The following PBX4 variants were observed in gnomAD, a reference collection of about 807,000 sequenced individuals.
PBX4 encodes the protein pre-B-cell leukemia transcription factor 4.
PBX4 carries 26 observed loss-of-function variants against 35.1 expected under a neutral mutation model. That is an observed-to-expected ratio of 0.74 (90% confidence interval 0.54 to 1.03). The LOEUF (loss-of-function observed/expected upper bound fraction) is 1.03. Among genes scored for constraint, PBX4 ranks in the 50% least tolerant of loss-of-function variants. PBX4 has a pLI of 0.00. For synonymous variants in PBX4, 199 were observed against 204.2 expected, an observed-to-expected ratio of 0.97 and a Z score of 0.22; for missense variants, 448 against 504.3, an observed-to-expected ratio of 0.89 and a Z score of 1.07.
Position 19,562,199 on chromosome 19 carries a change from C to T in PBX4, c.1033-82G>A. 2 of 1,023,816 alleles carry T rather than the reference C, an allele frequency of 2.0e-6. No individual in the cohort carries two copies. Among genetic ancestry groups the T allele is most frequent in the Non-Finnish European group, 2.8e-6 (2 of 703,704 alleles). The allele number at this position is 1,023,816 out of a possible 1,614,324, so 63.4% of individuals were successfully genotyped here. ...AGCCCACGTGCTGCAGGCGGAGCCT[C>T]CAGGGGTCCCTGGGAAGGCTTGGAA... On this transcript the variant is annotated intron_variant, in intron 7 of 7. Coordinates refer to ENST00000251203, the MANE Select transcript of PBX4 (RefSeq NM_025245.3). This position sits in a 1 kb window ranked among gnomAD's most constrained non-coding sequence, Gnocchi z 4.8.
chr19:19,589,317 A>G (rs1304549855), intron 2 of PBX4, among the ~76,000 whole-genome samples: 1 of 151,786 alleles, frequency 6.6e-6, no homozygotes, highest in Non-Finnish European at 1.5e-5. Flanking sequence ...AGTCCCAACT[A>G]CTCAGGAGGC....
At chr19:19,571,972 G>A (rs2144716661) in intron 2 of PBX4, among the ~76,000 whole-genome samples, 1 of 141,216 alleles carries the variant, frequency 7.1e-6, no homozygotes, top group South Asian at 2.4e-4. Flanking sequence ...GGCAGAGGAT[G>A]CAGTGAGCTG....
chr19:19,569,886 G>A (rs1276655617), intron 4 of PBX4, among the ~76,000 whole-genome samples: 1 of 151,924 alleles, frequency 6.6e-6, no homozygotes, highest in African/African-American at 2.4e-5. Flanking sequence ...CTCCAGCCTG[G>A]GCACCAGAGT....
intron 5 of PBX4, 99 bp downstream of exon 5, chr19:19,569,350 G>A (rs2061365379): frequency 3.5e-6 from 5 of 1,427,558 alleles, no homozygotes; most frequent in Non-Finnish European, 4.7e-6. Flanking sequence ...GCCATGCCTG[G>A]CCTCTGCACA....
chr19:19,562,151 G>A lies in PBX4; in HGVS notation c.1033-34C>T, dbSNP rs1461006274. 1.9e-6 allele frequency: 3 copies of A among 1,550,606 alleles called. No individual in the cohort carries two copies. The highest frequency in any genetic ancestry group is 2.6e-6 in the Non-Finnish European group (3 of 1,135,132). On this transcript the variant is annotated intron_variant, in intron 7 of 7. Transcript: ENST00000251203. This position sits in a 1 kb window ranked among gnomAD's most constrained non-coding sequence, Gnocchi z 4.8. ...ACAGAGACTGAGCATCAGAGTGGGT[G>A]GCCGTGAGACTGGTGACTACCCAGC...
chr19:19,599,011 C>T (rs898001097), intron 2 of PBX4, among the ~76,000 whole-genome samples: 5 of 151,126 alleles, frequency 3.3e-5, no homozygotes. Flanking sequence ...TCTTGTTGCC[C>T]AGGCTGGAGT....
intron 5 of PBX4, among the ~76,000 whole-genome samples, chr19:19,568,779 C>G (rs2061361565): frequency 6.6e-6 from 1 of 152,142 alleles, no homozygotes; most frequent in Admixed American, 6.5e-5. Context: ...AGCTCATACT[C>G]TGTCTGTATC....
At chr19:19,565,128 CGACTTCTGA>C in intron 5 of PBX4, 39 bp from the exon 6 acceptor site, 2 of 1,612,828 alleles carry the variant, frequency 1.2e-6, no homozygotes, top group Non-Finnish European at 8.5e-7. Flanking sequence ...GCTGACCCAG[CGACTTCTGA>C]GACACGACGC....
intron 1 of PBX4, among the ~76,000 whole-genome samples, chr19:19,605,410 G>T (rs1212284280): frequency 1.1e-5 from 1 of 89,414 alleles, no homozygotes; most frequent in African/African-American, 3.7e-5. Flanking sequence ...ACAAGACTCT[G>T]TCTCAAAATA....
At chr19:19,568,596 A>T (rs113383489) in intron 5 of PBX4, among the ~76,000 whole-genome samples, 1 of 78,862 alleles carries the variant, frequency 1.3e-5, no homozygotes, top group African/African-American at 5.0e-5. Flanking sequence ...CCCTCAGGGA[A>T]CTCACACTCC....
At chr19:19,590,381 T>C (rs1310855469) in intron 2 of PBX4, among the ~76,000 whole-genome samples, 1 of 152,156 alleles carries the variant, frequency 6.6e-6, no homozygotes, top group Admixed American at 6.5e-5. Context: ...GGTGCACCCA[T>C]GTTGCAGCCT....
At chr19:19,604,873 C>T (rs34725943) in intron 1 of PBX4, among the ~76,000 whole-genome samples, 152,124 of 152,124 alleles carry the variant, frequency 1, 76,062 homozygotes, top group Non-Finnish European at 1. Flanking sequence ...GTGCTGGGAT[C>T]ACAGGTGTGA....
intron 2 of PBX4, among the ~76,000 whole-genome samples, chr19:19,581,657 C>T (rs1044752873): frequency 2.0e-5 from 3 of 152,140 alleles, no homozygotes; most frequent in African/African-American, 4.8e-5. Context: ...ACAAAGGCCA[C>T]GCTGCAGGAG....
chr19:19,593,928 C>T (rs1415549461), intron 2 of PBX4, among the ~76,000 whole-genome samples: 1 of 150,384 alleles, frequency 6.6e-6, no homozygotes, highest in Non-Finnish European at 1.5e-5. Context: ...GAGTTCAAGG[C>T]CAACCTGGGC....
chr19:19,616,139 G>A (rs1015587948), intron 1 of PBX4, among the ~76,000 whole-genome samples: 2 of 151,998 alleles, frequency 1.3e-5, no homozygotes, highest in African/African-American at 4.8e-5. Context: ...TTCCTTTTCT[G>A]TAATAATCAC....
intron 1 of PBX4, among the ~76,000 whole-genome samples, chr19:19,616,623 AC>A (rs1381199291): frequency 6.6e-6 from 1 of 151,578 alleles, no homozygotes; most frequent in Non-Finnish European, 1.5e-5. Context: ...GGCTGAACAA[AC>A]AAAACTCTTT....
Position 19,596,162 on chromosome 19 carries a change from C to A in PBX4, c.193+3130G>T, listed in dbSNP as rs181376862. On this transcript the variant is annotated intron_variant, in intron 2 of 7. Transcript: ENST00000251203. ...ATCCCAGCACTTTGGGAGGCTGAGGCGGGCAGGTCACTTGAGGTCAGGAGT... is the reference window on the plus strand; with the variant it reads ...ATCCCAGCACTTTGGGAGGCTGAGGAGGGCAGGTCACTTGAGGTCAGGAGT... Among the ~76,000 whole-genome samples the A allele has an allele frequency of 2.2e-4, 34 of 151,940 alleles. 1 individual carries two copies. In the East Asian group the frequency reaches 5.4e-3, roughly 24 times the overall value.
At chr19:19,601,343 T>A (rs1408126773) in intron 1 of PBX4, among the ~76,000 whole-genome samples, 1 of 152,076 alleles carries the variant, frequency 6.6e-6, no homozygotes, top group South Asian at 2.1e-4. Context: ...TGCTGAGTGT[T>A]AGGGGTGAGG....
intron 1 of PBX4, among the ~76,000 whole-genome samples, chr19:19,609,728 G>A (rs62137821): frequency 6.6e-5 from 10 of 151,908 alleles, no homozygotes; most frequent in Non-Finnish European, 1.3e-4. Context: ...GCGGGTGCCT[G>A]TATTCCCAGC....
Sources: gnomAD v4.1 joint callset for allele counts (sites outside exome capture counted in the v4.1 genomes callset) on GRCh38, gnomAD v4.1.1 for gene constraint, Gnocchi (gnomAD v3.1) non-coding constraint, MANE v1.5 for transcripts, NCBI Gene and HGNC (gene_info 2026-07-23, HGNC 2026-07-21) for gene names.